NUP155: variants seen among roughly 807,000 people sequenced by gnomAD.
NUP155 encodes nucleoporin 155.
A neutral mutation model predicts 180.4 loss-of-function variants in NUP155; 71 were observed. The observed-to-expected ratio is 0.39, with a 90% CI of 0.33 to 0.48. NUP155 has a LOEUF of 0.48. Among genes scored for constraint, NUP155 ranks in the 20% least tolerant of loss-of-function variants. NUP155 has a pLI of 0.91. For missense variants in NUP155, 1,553 were observed against 1,648.9 expected, an observed-to-expected ratio of 0.94 and a Z score of 1.01; for synonymous variants, 582 against 559.5, an observed-to-expected ratio of 1.04 and a Z score of -0.57.
chr5:37,344,823 G>A (rs1745970934), intron 9 of NUP155, among the ~76,000 whole-genome samples: 1 of 149,250 alleles, frequency 6.7e-6, no homozygotes, highest in Admixed American at 6.8e-5. Context: ...AGTGAGCCAA[G>A]ATCGTGCCAC....
At position 37,302,756 on chromosome 5, in the gene NUP155, A is replaced by G. The variant is rs770251223; in HGVS notation, c.3447+23T>C. ...TGTGGCTAGTACTCAATGTGGACAC[A>G]GCTTAAGATCTTTAGCACTTACCTC... On this transcript the variant is annotated intron_variant, in intron 29 of 34. Transcript: ENST00000231498. 2.5e-6 allele frequency: 4 copies of G among 1,613,178 alleles called. No homozygotes were observed. The South Asian group carries it at 4.4e-5, about 18-fold the overall frequency.
intron 10 of NUP155, chr5:37,342,311 C>G: frequency 4.7e-6 from 2 of 422,206 alleles, no homozygotes; most frequent in Non-Finnish European, 8.7e-6. Context: ...TCTCCCAAAG[C>G]GCTAGGATTA....
At chr5:37,311,056 AT>A (rs2150949437) in intron 22 of NUP155, among the ~76,000 whole-genome samples, 1 of 152,312 alleles carries the variant, frequency 6.6e-6, no homozygotes, top group Non-Finnish European at 1.5e-5. Flanking sequence ...ACTTGGCTAT[AT>A]TTGAAAATCT....
Position 37,303,308 on chromosome 5 carries a change from C to A in NUP155, c.3269G>T (p.Ser1090Ile). ...LLWRYYEKNR[S>I]FSNAARVLSR... ...CAGTACACGAGCAGCATTACTGAAA[C>A]TTCTGTTCTTCTCGTAATACCGCCA... Residue 1090 changes from serine (S) to isoleucine (I), a missense_variant, in exon 28 of 35, where the codon AGT (serine) becomes ATT (isoleucine). Physicochemically the swap from Ser to Ile is moderately radical, Grantham distance 142. Transcript: ENST00000231498. 1 of 1,614,130 alleles carries A rather than the reference C, an allele frequency of 6.2e-7. No individual in the cohort carries two copies. The highest frequency in any genetic ancestry group is 8.5e-7 in the Non-Finnish European group (1 of 1,180,006).
rs202058711 is a variant in NUP155 at position 37,318,044 on chromosome 5, C to T, written c.2249G>A (p.Arg750His). Residue 750 changes from arginine (R) to histidine (H), a missense_variant, in exon 21 of 35, where the codon CGT (arginine) becomes CAT (histidine). Coordinates refer to ENST00000231498, the MANE Select transcript of NUP155 (RefSeq NM_153485.3). ...TTGCTGGGGATTTCCGTTTTCAGGA[C>T]GCATGAATCCTATCAGCCTCTGCTG... ...KVQQRLIGFMRPENGNPQQMQ... is the reference protein window; with the variant it reads ...KVQQRLIGFMHPENGNPQQMQ... 49 of 1,612,662 alleles carry T rather than the reference C, an allele frequency of 3.0e-5. No homozygotes were observed. In the Admixed American group the frequency reaches 5.5e-4, roughly 18 times the overall value.
chr5:37,296,471 G>C (rs1244017586), intron 32 of NUP155, among the ~76,000 whole-genome samples: 2 of 151,896 alleles, frequency 1.3e-5, no homozygotes, highest in East Asian at 3.9e-4. Context: ...ACAGACGCTT[G>C]AAGGCAGCAT....
intron 1 of NUP155, among the ~76,000 whole-genome samples, chr5:37,370,444 G>A (rs1489128774): frequency 1.3e-5 from 2 of 152,148 alleles, no homozygotes; most frequent in African/African-American, 4.8e-5. Flanking sequence ...AATTAACTTC[G>A]TTTGCTCTTA....
intron 14 of NUP155, 82 bp from the exon 15 acceptor site, chr5:37,330,214 T>TA: frequency 1.1e-6 from 1 of 946,160 alleles, no homozygotes; most frequent in Non-Finnish European, 1.7e-6. Context: ...AGTATTAAAG[T>TA]CTGTATCTAG....
intron 14 of NUP155, among the ~76,000 whole-genome samples, chr5:37,331,349 C>T (rs1343441203): frequency 6.6e-6 from 1 of 152,000 alleles, no homozygotes; most frequent in Non-Finnish European, 1.5e-5. Flanking sequence ...CCGAGGTGGG[C>T]GGATCACCTG....
chr5:37,364,005 G>A, intron 2 of NUP155, 21 bp from the exon 3 acceptor site: 1 of 1,517,328 alleles, frequency 6.6e-7, no homozygotes, highest in Non-Finnish European at 9.2e-7. Flanking sequence ...GTGGATGTAA[G>A]GCAGACAGAG....
chr5:37,368,060 C>T (rs187773887), intron 1 of NUP155, among the ~76,000 whole-genome samples: 3 of 151,726 alleles, frequency 2.0e-5, no homozygotes, highest in South Asian at 2.1e-4. Flanking sequence ...GGATTATGGG[C>T]GTGAGCCACC....
chr5:37,340,067 C>A (rs1745611107), intron 11 of NUP155, among the ~76,000 whole-genome samples: 1 of 152,158 alleles, frequency 6.6e-6, no homozygotes, highest in Admixed American at 6.5e-5. Context: ...CCCCACCTCA[C>A]TTTTTTTGCA....
rs558216076 is a variant in NUP155 at position 37,331,143 on chromosome 5, T to C, written c.1629+542A>G. ...TAGCCTGGGCGACAGAGCGAGACTC[T>C]GTCTCAAAAAAAAAAAAGAATTTAT... On this transcript the variant is annotated intron_variant, in intron 14 of 34. Transcript: ENST00000231498. Among the ~76,000 whole-genome samples, 160 of 140,470 alleles carry C rather than the reference T, an allele frequency of 1.1e-3. 1 individual carries two copies. Among genetic ancestry groups the C allele is most frequent in the Admixed American group, 2.9e-3 (41 of 14,342 alleles). 92.2% of individuals were successfully genotyped at this position (140,470 alleles called of 152,430 possible).
In NUP155 at chr5:37,304,831, G is replaced by T. The variant is rs1270190877; in HGVS notation, c.3070C>A (p.Leu1024Ile). 6.2e-7 allele frequency: 1 copy of T among 1,613,602 alleles called. No homozygotes were observed. The highest frequency in any genetic ancestry group is 1.1e-5 in the South Asian group (1 of 91,052). Residue 1024 changes from leucine to isoleucine, a missense_variant, in exon 27 of 35, where the codon CTT becomes ATT. Physicochemically the swap from Leu to Ile is conservative, Grantham distance 5 (BLOSUM62 2). Coordinates refer to ENST00000231498, the MANE Select transcript of NUP155 (RefSeq NM_153485.3). ...EEAGHHFEQMLKLSQRSKDEL... is the reference protein window; with the variant it reads ...EEAGHHFEQMIKLSQRSKDEL... ...TCCTTGGATCGCTGTGACAATTTAA[G>T]CATTTGTTCAAACTAAAATAAAGAA...
chr5:37,350,219 G>C lies in NUP155; in HGVS notation c.770C>G (p.Ser257Ter). The change falls in exon 7 of 35, where the codon TCA becomes TGA. Residue 257 changes from serine (S) to a stop codon, truncating the protein, a stop_gained. Coordinates refer to ENST00000231498, the MANE Select transcript of NUP155 (RefSeq NM_153485.3). LOFTEE classifies it high-confidence loss of function. Reference sequence around the variant, plus strand: ...AACAAGGAAAGAAAGTGAGCTCTTTGAGTGGTTTATTTTCCTACATCTTTG... The same window carrying C: ...AACAAGGAAAGAAAGTGAGCTCTTTCAGTGGTTTATTTTCCTACATCTTTG... ...FSQRCRKINH[S>*]KSSLSFLVPS... 1 of 1,613,872 alleles carries C rather than the reference G, an allele frequency of 6.2e-7. No homozygotes were observed. The highest frequency in any genetic ancestry group is 8.5e-7 in the Non-Finnish European group (1 of 1,179,902).
rs751669672 is a variant in NUP155 at position 37,292,006 on chromosome 5, A to G, written c.4070T>C (p.Val1357Ala). The G allele has an allele frequency of 8.1e-6, 13 of 1,614,040 alleles. No homozygotes were observed. The South Asian group carries it at 1.1e-4, about 14-fold the overall frequency. ...RRFTNLCLDA[V>A]CGYLVELQSM... ...CTGGAGCTCAACAAGGTAACCACAA[A>G]CAGCATCCAGGCAGAGATTTGTAAA... Residue 1357 changes from valine (V) to alanine (A), a missense_variant, in exon 35 of 35, where the codon GTT becomes GCT. By Grantham distance (64) the Val-to-Ala change is moderately conservative. Coordinates refer to ENST00000231498, the MANE Select transcript of NUP155 (RefSeq NM_153485.3).
intron 3 of NUP155, among the ~76,000 whole-genome samples, chr5:37,363,066 C>T (rs970956924): frequency 6.6e-6 from 1 of 152,128 alleles, no homozygotes; most frequent in Non-Finnish European, 1.5e-5. Flanking sequence ...CATGTGCCAC[C>T]ACACTTGGCT....
Position 37,305,193 on chromosome 5 carries a change from C to T in NUP155, c.2921G>A (p.Cys974Tyr). 1 of 1,612,750 alleles carries T rather than the reference C, an allele frequency of 6.2e-7. No homozygotes were observed. The highest frequency in any genetic ancestry group is 1.7e-5 in the Admixed American group (1 of 60,004). Residue 974 changes from cysteine (C) to tyrosine (Y), a missense_variant, in exon 26 of 35, where the codon TGC (cysteine) becomes TAC (tyrosine). Coordinates refer to ENST00000231498, the MANE Select transcript of NUP155 (RefSeq NM_153485.3). ...CAGTTCTTGAAGTGTGTCTGTAATG[C>T]ATTTGTAACTGTTTAATCTGAAAGA... is the stretch of plus-strand genomic sequence containing the variant. ...AFQERLNSYK[C>Y]ITDTLQELVN...
chr5:37,323,854 G>A (rs951614262), intron 20 of NUP155, 138 bp downstream of exon 20: 1 of 651,724 alleles, frequency 1.5e-6, no homozygotes, highest in African/African-American at 1.8e-5. Flanking sequence ...AGTGGTGATG[G>A]TTGCATAACC....
Sources: gnomAD v4.1 joint callset for allele counts (sites outside exome capture counted in the v4.1 genomes callset) on GRCh38, gnomAD v4.1.1 for gene constraint, MANE v1.5 for transcripts, NCBI Gene and HGNC (gene_info 2026-07-23, HGNC 2026-07-21) for gene names.